The following GRIP1 variants were observed in gnomAD, a reference collection of about 807,000 sequenced individuals.
GRIP1 encodes glutamate receptor-interacting protein 1.
In GRIP1, 45 loss-of-function variants were observed where a neutral mutation model predicts 129.9. That is an observed-to-expected ratio of 0.35 (90% confidence interval 0.27 to 0.44). The LOEUF is 0.44. Among genes scored for constraint, GRIP1 ranks in the 20% least tolerant of loss-of-function variants. The pLI is 1.00. For missense variants in GRIP1, 1,196 were observed against 1,396.8 expected (o/e 0.86, Z 2.29); for synonymous variants, 530 against 520.8 (o/e 1.02, Z -0.24).
At chr12:66,600,667 A>G (rs1565899793) in intron 1 of GRIP1, among the ~76,000 whole-genome samples, 1 of 152,230 alleles carries the variant, frequency 6.6e-6, no homozygotes, top group African/African-American at 2.4e-5. Flanking sequence ...GTATCTACAT[A>G]TATTTCCTTC....
intron 2 of GRIP1, among the ~76,000 whole-genome samples, chr12:66,553,327 T>C (rs1493487): frequency 0.14 from 21,239 of 151,954 alleles, 1,632 homozygotes; most frequent in Non-Finnish European, 0.18. Context: ...TCTTCCTCAT[T>C]TCCTCCCTCC....
intron 1 of GRIP1, among the ~76,000 whole-genome samples, chr12:67,050,516 A>C (rs2043326842): frequency 1.3e-5 from 2 of 152,228 alleles, no homozygotes; most frequent in African/African-American, 4.8e-5. Flanking sequence ...AATTGGAAAA[A>C]AAAGAGCAGA....
chr12:66,684,363 T>C (rs1183066348), intron 1 of GRIP1, among the ~76,000 whole-genome samples: 5 of 152,170 alleles, frequency 3.3e-5, no homozygotes, highest in African/African-American at 1.2e-4. Context: ...CTTTGACTCC[T>C]GCAACCTCTT....
At chr12:66,576,696 T>C (rs1290865074) in intron 2 of GRIP1, among the ~76,000 whole-genome samples, 1 of 152,212 alleles carries the variant, frequency 6.6e-6, no homozygotes, top group Non-Finnish European at 1.5e-5. Flanking sequence ...TTTTGGTACA[T>C]AACAGATGCT....
In GRIP1 at chr12:67,020,909, G is replaced by A. The variant is rs78836101; in HGVS notation, c.58+48141C>T. 8.2e-3 allele frequency among the ~76,000 whole-genome samples: 1,253 copies of A among 151,910 alleles called. 18 individuals carry two copies. Among genetic ancestry groups the A allele is most frequent in the African/African-American group, 0.028 (1,153 of 41,440 alleles). The stretch of plus-strand genomic sequence containing the variant: ...TAGTCCAGGAGTTCAAGACCAGCCC[G>A]GGCAGCATGGTGAAACCCCATCTCT... On this transcript the variant is annotated intron_variant, in intron 1 of 1. Coordinates refer to the GRIP1 transcript ENST00000643019.
chr12:66,535,667 A>C (rs2061583898), intron 4 of GRIP1, among the ~76,000 whole-genome samples: 1 of 152,208 alleles, frequency 6.6e-6, no homozygotes, highest in Non-Finnish European at 1.5e-5. Flanking sequence ...AAACGAAAAA[A>C]TGTTGTAGCA....
chr12:66,593,597 T>C (rs926858977), intron 2 of GRIP1, among the ~76,000 whole-genome samples: 6 of 152,174 alleles, frequency 3.9e-5, no homozygotes, highest in African/African-American at 1.4e-4. Context: ...TAAAATATCA[T>C]AAAACTTAGA....
chr12:66,515,074 A>G (rs953353918), intron 7 of GRIP1, among the ~76,000 whole-genome samples: 3 of 152,126 alleles, frequency 2.0e-5, no homozygotes, highest in African/African-American at 7.2e-5. Context: ...TTCTAGTAGA[A>G]TCATAATTTA....
At position 66,413,201 on chromosome 12, in the gene GRIP1, A is replaced by G. The variant is rs1160140471; in HGVS notation, c.1839-6773T>C. Among the ~76,000 whole-genome samples the G allele has an allele frequency of 2.6e-5, 4 of 152,212 alleles. No individual in the cohort carries two copies. In the East Asian group the frequency reaches 7.7e-4, roughly 29 times the overall value. The stretch of plus-strand genomic sequence containing the variant: ...ACACTTACTCTAAAATTGATCACAT[A>G]ATTGGAAGTAAAACATTCCTCAGCA... On this transcript the variant is annotated intron_variant, in intron 15 of 24. Transcript: ENST00000359742.
rs1403360457 is a variant in GRIP1 at position 66,465,284 on chromosome 12, A to G, written c.863T>C (p.Ile288Thr). The change falls in exon 8 of 25, where the codon ATT becomes ACT. Residue 288 changes from isoleucine to threonine, a missense_variant. By Grantham distance (89) the Ile-to-Thr change is moderately conservative (BLOSUM62 -1). Coordinates refer to ENST00000359742, the MANE Select transcript of GRIP1 (RefSeq NM_001366722.1). ...IVIDKIKSAS[I>T]ADRCGALHVG... ...TTTCTACAATACTTACCTGTCTGCA[A>G]TACTTGCAGATTTGATTTTGTCTAT... 2 of 1,613,816 alleles carry G rather than the reference A, an allele frequency of 1.2e-6. No individual in the cohort carries two copies. Among genetic ancestry groups the G allele is most frequent in the South Asian group, 1.1e-5 (1 of 91,076 alleles).
intron 1 of GRIP1, among the ~76,000 whole-genome samples, chr12:66,905,661 T>C (rs1312184883): frequency 6.6e-6 from 1 of 152,174 alleles, no homozygotes; most frequent in African/African-American, 2.4e-5. Flanking sequence ...TTAAAAAACC[T>C]TTCTTGAATT....
intron 2 of GRIP1, among the ~76,000 whole-genome samples, chr12:66,574,304 G>A (rs79322174): frequency 0.017 from 2,589 of 152,338 alleles, 68 homozygotes; most frequent in African/African-American, 0.059. Context: ...ATGCGTTTTA[G>A]TGTAAGATTC....
intron 7 of GRIP1, among the ~76,000 whole-genome samples, chr12:66,483,200 T>C (rs1011215692): frequency 1.3e-5 from 2 of 152,184 alleles, no homozygotes; most frequent in African/African-American, 4.8e-5. Flanking sequence ...TTGGGAGCCT[T>C]TCAACTTGCT....
intron 1 of GRIP1, among the ~76,000 whole-genome samples, chr12:67,066,888 T>TTATATG (rs2043636807): frequency 8.0e-6 from 1 of 125,662 alleles, no homozygotes; most frequent in East Asian, 2.4e-4. Context: ...AAATATATAT[T>TTATATG]TATATATATA....
chr12:66,348,684 C>A lies in GRIP1; in HGVS notation c.*335G>T. On this transcript the variant is annotated 3_prime_UTR_variant, in exon 25 of 25. Transcript: ENST00000359742. ...AATCATCACAGAGAATATTTTCAAA[C>A]AGATGTTTCTCTTTTTAAAAAGTGA... The A allele has an allele frequency of 3.5e-6, 1 of 283,340 alleles. No individual in the cohort carries two copies. The allele number at this position is 283,340 out of a possible 1,614,324, so 17.6% of individuals were successfully genotyped here.
chr12:67,056,630 T>C (rs2043440925), intron 1 of GRIP1, among the ~76,000 whole-genome samples: 3 of 152,138 alleles, frequency 2.0e-5, no homozygotes, highest in African/African-American at 4.8e-5. Flanking sequence ...GGAGGAGACA[T>C]AGACACTCAA....
Position 66,687,789 on chromosome 12 carries a change from C to T in GRIP1, c.-419-57453G>A, listed in dbSNP as rs549263009. 2.6e-5 allele frequency among the ~76,000 whole-genome samples: 4 copies of T among 152,214 alleles called. No homozygotes were observed. In the South Asian group the frequency reaches 8.3e-4, roughly 32 times the overall value. ...TGTGGTGTGCATGGAGCTGGCACTC[C>T]CCTACGTCTACCCCTCCAGGTATGG... On this transcript the variant is annotated intron_variant, in intron 1 of 4. Coordinates refer to the GRIP1 transcript ENST00000538373.
At chr12:66,531,872 C>T (rs985379698) in intron 4 of GRIP1, among the ~76,000 whole-genome samples, 4 of 152,040 alleles carry the variant, frequency 2.6e-5, no homozygotes, top group Non-Finnish European at 4.4e-5. Context: ...TTACTGTGTG[C>T]TCAGAACTCT....
chr12:66,400,378 T>G (rs2056940865), intron 16 of GRIP1, among the ~76,000 whole-genome samples: 1 of 152,192 alleles, frequency 6.6e-6, no homozygotes, highest in South Asian at 2.1e-4. Flanking sequence ...CCACTGCTCC[T>G]AGGACAGCCA....
Sources: gnomAD v4.1 joint callset for allele counts (sites outside exome capture counted in the v4.1 genomes callset) on GRCh38, gnomAD v4.1.1 for gene constraint, MANE v1.5 for transcripts, NCBI Gene and HGNC (gene_info 2026-07-23, HGNC 2026-07-21) for gene names.